GAD2: variants seen among roughly 807,000 people sequenced by gnomAD.
The protein encoded by GAD2 is 65 kDa glutamic acid decarboxylase.
Under a neutral mutation model 80.1 loss-of-function variants are expected in GAD2, and 22 were observed. The observed-to-expected ratio is 0.27, with a 90% confidence interval of 0.20 to 0.39. The LOEUF (loss-of-function observed/expected upper bound fraction) is 0.39, where lower values mean the gene tolerates loss of function less well. GAD2 is among the 10% of genes least tolerant of loss of function. GAD2 has a pLI of 1.00. For missense variants in GAD2, 624 were observed against 738.4 expected, an observed-to-expected ratio of 0.85 and a Z score of 1.80; for synonymous variants, 274 against 256.9, an observed-to-expected ratio of 1.07 and a Z score of -0.64.
chr10:26,219,735 T>C (rs969151595), intron 4 of GAD2, among the ~76,000 whole-genome samples: 14 of 152,224 alleles, frequency 9.2e-5, no homozygotes, highest in African/African-American at 3.4e-4. Flanking sequence ...ACCCTATTAA[T>C]CATTGAGTGG....
intron 7 of GAD2, among the ~76,000 whole-genome samples, chr10:26,244,819 CTG>C (rs367611003): frequency 5.9e-5 from 9 of 152,210 alleles, no homozygotes; most frequent in African/African-American, 2.2e-4. Context: ...TTGCACAACA[CTG>C]TGAATATATT....
intron 7 of GAD2, among the ~76,000 whole-genome samples, chr10:26,232,705 G>T (rs1456804927): frequency 6.6e-6 from 1 of 152,060 alleles, no homozygotes; most frequent in Admixed American, 6.6e-5. Context: ...GTTTCACCAT[G>T]TTGGCCACGC....
At chr10:26,244,610 C>T (rs997425848) in intron 7 of GAD2, among the ~76,000 whole-genome samples, 3 of 152,076 alleles carry the variant, frequency 2.0e-5, no homozygotes, top group African/African-American at 7.2e-5. Flanking sequence ...GGACATTATA[C>T]TAAGTTAAAC....
At chr10:26,224,207 C>T (rs957095020) in intron 5 of GAD2, among the ~76,000 whole-genome samples, 8 of 152,008 alleles carry the variant, frequency 5.3e-5, no homozygotes, top group African/African-American at 1.7e-4. Flanking sequence ...TTTTTTCTCA[C>T]GTTTGATTTA....
At chr10:26,246,089 C>CGG in intron 8 of GAD2, 89 bp downstream of exon 8, 1 of 1,023,760 alleles carries the variant, frequency 9.8e-7, no homozygotes, top group Non-Finnish European at 1.5e-6. Flanking sequence ...GAGAGGACCA[C>CGG]GGGGCAGCAA....
intron 7 of GAD2, among the ~76,000 whole-genome samples, chr10:26,243,588 C>CA (rs1844769676): frequency 6.6e-6 from 1 of 152,248 alleles, no homozygotes; most frequent in Non-Finnish European, 1.5e-5. Context: ...TTGAGACACA[C>CA]AGTCCTACCC....
intron 12 of GAD2, among the ~76,000 whole-genome samples, chr10:26,284,613 C>G (rs1192960977): frequency 1.4e-5 from 2 of 143,906 alleles, no homozygotes; most frequent in Non-Finnish European, 3.0e-5. Flanking sequence ...TCTCTGTCGC[C>G]TAGGCTGAAG....
At chr10:26,276,181 A>G (rs1461060910) in intron 11 of GAD2, among the ~76,000 whole-genome samples, 1 of 151,892 alleles carries the variant, frequency 6.6e-6, no homozygotes, top group African/African-American at 2.4e-5. Context: ...AAAAATAAAA[A>G]TAAATAAATA....
chr10:26,282,185 C>T (rs183492224), intron 12 of GAD2, among the ~76,000 whole-genome samples: 12 of 152,244 alleles, frequency 7.9e-5, no homozygotes, highest in African/African-American at 1.9e-4. Context: ...TCAAGTGATC[C>T]GCCCACCTCA....
In GAD2 at chr10:26,217,791, G is replaced by T. The variant is rs1258089465; in HGVS notation, c.137-51G>T. ...GCTGCGGGTAGGCGGGAGCGAGGGA[G>T]CCGGGCCCGGCGGAGGATTGACGAG... On this transcript the variant is annotated intron_variant, in intron 2 of 15. Coordinates refer to ENST00000376261, the MANE Select transcript of GAD2 (RefSeq NM_001134366.2). This position sits in a 1 kb window ranked among gnomAD's most constrained non-coding sequence, Gnocchi z 4.9. 3 of 1,579,604 alleles carry T rather than the reference G, an allele frequency of 1.9e-6. No individual in the cohort carries two copies. The highest frequency in any genetic ancestry group is 1.7e-6 in the Non-Finnish European group (2 of 1,161,968).
intron 15 of GAD2, among the ~76,000 whole-genome samples, chr10:26,295,508 G>GCACACACACACACA (rs61216190): frequency 0.065 from 8,636 of 133,706 alleles, 389 homozygotes; most frequent in African/African-American, 0.083. Context: ...TCATACGCAT[G>GCACACACACACACA]CACACACACA....
At chr10:26,223,010 A>G (rs1844472544) in intron 4 of GAD2, among the ~76,000 whole-genome samples, 2 of 152,264 alleles carry the variant, frequency 1.3e-5, no homozygotes. Context: ...AGAAAACTGA[A>G]TGCTAATGAC....
chr10:26,220,016 A>T (rs768568223), intron 4 of GAD2, among the ~76,000 whole-genome samples: 40 of 152,190 alleles, frequency 2.6e-4, no homozygotes, highest in Non-Finnish European at 7.4e-5. Context: ...AGGAGTCTTT[A>T]TATTCCATCC....
At chr10:26,250,441 G>C (rs1471572453) in intron 8 of GAD2, among the ~76,000 whole-genome samples, 1 of 152,144 alleles carries the variant, frequency 6.6e-6, no homozygotes, top group Non-Finnish European at 1.5e-5. Context: ...GAGGGAAATG[G>C]GCCACTGGGC....
In GAD2 at chr10:26,216,998, GGC is replaced by G. The variant is rs1844380676; in HGVS notation, c.76+116_76+117del. On this transcript the variant is annotated intron_variant, in intron 1 of 15. Coordinates refer to ENST00000376261, the MANE Select transcript of GAD2 (RefSeq NM_001134366.2). This position sits in a 1 kb window ranked among gnomAD's most constrained non-coding sequence, Gnocchi z 4.7. ...CCACCTGCAACAGGAAACTTCTTCG[GGC>G]GCTTCTCCCTGCTTTTGGGCTAAGT... 1.2e-5 allele frequency: 11 copies of G among 901,826 alleles called. No individual in the cohort carries two copies. Among genetic ancestry groups the G allele is most frequent in the Non-Finnish European group, 1.9e-5 (11 of 578,524 alleles). 55.9% of individuals were successfully genotyped at this position (901,826 alleles called of 1,614,324 possible). A position where few individuals can be genotyped will look rare whatever the true frequency, so the allele number is the denominator to read the frequency against.
rs145914674 is a variant in GAD2, at chr10:26,285,020, T to C, written c.1237-1325T>C. On this transcript the variant is annotated intron_variant, in intron 12 of 15. Coordinates refer to ENST00000376261, the MANE Select transcript of GAD2 (RefSeq NM_001134366.2). ...TGAGCTTGCATGGCCTGAGGAATAA[T>C]GGTACAAAGTTTCTGTGACCATGAA... 7.2e-4 allele frequency among the ~76,000 whole-genome samples: 109 copies of C among 152,338 alleles called. 2 individuals carry two copies. In the East Asian group the frequency reaches 0.017, roughly 24 times the overall value.
At chr10:26,273,254 C>T (rs1483369601) in intron 10 of GAD2, among the ~76,000 whole-genome samples, 2 of 152,226 alleles carry the variant, frequency 1.3e-5, no homozygotes, top group Admixed American at 1.3e-4. Context: ...GTTTTCCCTG[C>T]AACTTGGAAG....
chr10:26,229,398 C>T (rs539746161), intron 6 of GAD2, among the ~76,000 whole-genome samples: 1 of 152,170 alleles, frequency 6.6e-6, no homozygotes, highest in South Asian at 2.1e-4. Flanking sequence ...GAATTAAAAA[C>T]CTCTTCAAAG....
At chr10:26,250,126 C>T (rs1352749406) in intron 8 of GAD2, among the ~76,000 whole-genome samples, 4 of 151,984 alleles carry the variant, frequency 2.6e-5, no homozygotes, top group Non-Finnish European at 4.4e-5. Flanking sequence ...CAATTCTCCC[C>T]TCTCAGCCTC....
Sources: allele counts gnomAD v4.1 joint callset (sites outside exome capture counted in the v4.1 genomes callset), GRCh38; gene constraint gnomAD v4.1.1; non-coding constraint Gnocchi (gnomAD v3.1); transcripts MANE v1.5; gene names NCBI Gene and HGNC (gene_info 2026-07-23, HGNC 2026-07-21).